ARHGAP28: variants seen among roughly 807,000 people sequenced by gnomAD.
ARHGAP28 encodes rho GTPase-activating protein 28.
A neutral mutation model predicts 90.7 loss-of-function variants in ARHGAP28; 56 were observed. The ratio of observed to expected loss-of-function variants is 0.62; its 90% CI spans 0.50 to 0.77. The LOEUF (loss-of-function observed/expected upper bound fraction) is 0.77, where lower values mean the gene tolerates loss of function less well. Among genes scored for constraint, ARHGAP28 ranks in the 30% least tolerant of loss-of-function variants. The pLI is 0.00. For synonymous variants in ARHGAP28, 308 were observed against 323.3 expected, an observed-to-expected ratio of 0.95 and a Z score of 0.51; for missense variants, 869 against 900.9, an observed-to-expected ratio of 0.96 and a Z score of 0.45.
intron 1 of ARHGAP28, among the ~76,000 whole-genome samples, chr18:6,806,082 C>T (rs973700179): frequency 6.6e-6 from 1 of 151,774 alleles, no homozygotes; most frequent in South Asian, 2.1e-4. Context: ...TTAGTTGAGG[C>T]GGAGTTTCAC....
intron 2 of ARHGAP28, among the ~76,000 whole-genome samples, chr18:6,828,135 G>C (rs62082811): frequency 6.6e-6 from 1 of 151,964 alleles, no homozygotes; most frequent in Non-Finnish European, 1.5e-5. Context: ...GATCACTCGC[G>C]GTTAGGAGCT....
At chr18:6,784,587 T>G (rs2056352051) in intron 1 of ARHGAP28, among the ~76,000 whole-genome samples, 2 of 152,168 alleles carry the variant, frequency 1.3e-5, no homozygotes, top group South Asian at 4.1e-4. Context: ...GGGCAGATGT[T>G]AGGGATACAA....
At chr18:6,785,026 G>A (rs1171247257) in intron 1 of ARHGAP28, among the ~76,000 whole-genome samples, 1 of 152,192 alleles carries the variant, frequency 6.6e-6, no homozygotes, top group Non-Finnish European at 1.5e-5. Flanking sequence ...TTTTCCAAAA[G>A]GAAATTCGTG....
Position 6,775,020 on chromosome 18 carries a change from CTCT to C in ARHGAP28, c.122+45083_122+45085del, listed in dbSNP as rs544976199. ...TAGTCTGATCAATAGCACGCAGAGG[CTCT>C]TCTTCGGGAAACACAAATGTGTGCT... On this transcript the variant is annotated intron_variant, in intron 1 of 17. Coordinates refer to ENST00000383472, the MANE Select transcript of ARHGAP28 (RefSeq NM_001366230.1). Among the ~76,000 whole-genome samples, 318 of 152,324 alleles carry C rather than the reference CTCT, an allele frequency of 2.1e-3. 1 individual carries two copies. Among genetic ancestry groups the C allele is most frequent in the African/African-American group, 7.5e-3 (310 of 41,576 alleles).
At chr18:6,833,543 A>G (rs2056731369) in intron 2 of ARHGAP28, among the ~76,000 whole-genome samples, 1 of 151,910 alleles carries the variant, frequency 6.6e-6, no homozygotes, top group Non-Finnish European at 1.5e-5. Context: ...AATTTTATAG[A>G]TGCTCCTCTA....
chr18:6,878,435 T>C (rs151109547), intron 10 of ARHGAP28, among the ~76,000 whole-genome samples: 86 of 151,820 alleles, frequency 5.7e-4, no homozygotes, highest in African/African-American at 2.0e-3. Flanking sequence ...GCATGGCACA[T>C]GTATACATAT....
chr18:6,842,490 A>C (rs905172661), intron 3 of ARHGAP28, among the ~76,000 whole-genome samples: 3 of 152,114 alleles, frequency 2.0e-5, no homozygotes, highest in African/African-American at 7.2e-5. Context: ...GCCTCTCAGC[A>C]CTCTGAAGGT....
At chr18:6,841,222 T>TCTCTC (rs1555631541) in intron 3 of ARHGAP28, among the ~76,000 whole-genome samples, 1 of 100,106 alleles carries the variant, frequency 1.0e-5, no homozygotes, top group Non-Finnish European at 2.0e-5. Flanking sequence ...TCTCTCTCTC[T>TCTCTC]CCCCCCAACC....
chr18:6,912,291 T>C lies in ARHGAP28; in HGVS notation c.*137T>C. ...ATTTCTGGCCCTCAGCAGTGGGCATTGTAAGCATGAACTATGGAAGAGGCG... is the reference window on the plus strand; with the variant it reads ...ATTTCTGGCCCTCAGCAGTGGGCATCGTAAGCATGAACTATGGAAGAGGCG... On this transcript the variant is annotated 3_prime_UTR_variant, in exon 18 of 18. Transcript: ENST00000383472. 2.1e-6 allele frequency: 1 copy of C among 483,204 alleles called. No individual in the cohort carries two copies. Among genetic ancestry groups the C allele is most frequent in the Non-Finnish European group, 3.7e-6 (1 of 273,428 alleles). The allele number at this position is 483,204 out of a possible 1,614,324, so 29.9% of individuals were successfully genotyped here.
chr18:6,756,025 G>T (rs900209199), intron 1 of ARHGAP28, among the ~76,000 whole-genome samples: 2 of 152,192 alleles, frequency 1.3e-5, no homozygotes, highest in Non-Finnish European at 2.9e-5. Context: ...AGTCCTTGGA[G>T]CCAGACTGTT....
chr18:6,752,711 C>T (rs1336638825), intron 1 of ARHGAP28, among the ~76,000 whole-genome samples: 6 of 152,080 alleles, frequency 3.9e-5, no homozygotes, highest in African/African-American at 1.4e-4. Context: ...CCTGGGAGTG[C>T]TGTGTGACAC....
chr18:6,831,031 C>G (rs974068093), intron 2 of ARHGAP28, among the ~76,000 whole-genome samples: 1 of 152,158 alleles, frequency 6.6e-6, no homozygotes, highest in South Asian at 2.1e-4. Context: ...AGTAGTTGTA[C>G]TATTTTACAC....
chr18:6,868,085 C>T (rs75388765), intron 5 of ARHGAP28, 65 bp from the exon 6 acceptor site: 52 of 1,344,966 alleles, frequency 3.9e-5, no homozygotes, highest in East Asian at 3.7e-4. Context: ...ATAAGTCAGG[C>T]TGAAATGTGA....
At chr18:6,768,049 A>C (rs1475655833) in intron 1 of ARHGAP28, among the ~76,000 whole-genome samples, 1 of 151,812 alleles carries the variant, frequency 6.6e-6, no homozygotes, top group Non-Finnish European at 1.5e-5. Context: ...TTTTGTCTCC[A>C]AATTTATTGG....
At chr18:6,793,539 A>G (rs2056420616) in intron 1 of ARHGAP28, among the ~76,000 whole-genome samples, 1 of 152,140 alleles carries the variant, frequency 6.6e-6, no homozygotes, top group Non-Finnish European at 1.5e-5. Flanking sequence ...GAAGAAAACT[A>G]AAGAATTACA....
chr18:6,768,383 T>C (rs1368647254), intron 1 of ARHGAP28, among the ~76,000 whole-genome samples: 1 of 152,222 alleles, frequency 6.6e-6, no homozygotes, highest in Admixed American at 6.5e-5. Flanking sequence ...TTTTATTGCC[T>C]TTCTTTTAAA....
chr18:6,815,356 T>G (rs1005157980), intron 1 of ARHGAP28, among the ~76,000 whole-genome samples: 2 of 152,198 alleles, frequency 1.3e-5, no homozygotes, highest in African/African-American at 4.8e-5. Context: ...CCATGCCCCT[T>G]TGGGAAAATT....
intron 14 of ARHGAP28, among the ~76,000 whole-genome samples, chr18:6,891,453 CAG>C (rs1334653860): frequency 6.6e-6 from 1 of 151,720 alleles, no homozygotes; most frequent in East Asian, 2.0e-4. Flanking sequence ...TTAGTAGAGA[CAG>C]GGTATTTTTA....
intron 7 of ARHGAP28, among the ~76,000 whole-genome samples, chr18:6,871,976 AG>A (rs1218101923): frequency 2.0e-5 from 3 of 152,236 alleles, no homozygotes; most frequent in African/African-American, 7.2e-5. Context: ...GTCTGCAGCT[AG>A]TGGGAAGCAG....
Sources: gnomAD v4.1 joint callset for allele counts (sites outside exome capture counted in the v4.1 genomes callset) on GRCh38, gnomAD v4.1.1 for gene constraint, MANE v1.5 for transcripts, NCBI Gene and HGNC (gene_info 2026-07-23, HGNC 2026-07-21) for gene names.